Variants in ZFHX3 observed in about 807,000 individuals in gnomAD.
ZFHX3 encodes zinc finger homeobox 3.
Under a neutral mutation model 279.1 loss-of-function variants are expected in ZFHX3, and 42 were observed. The ratio of observed to expected loss-of-function variants is 0.15; its 90% CI spans 0.12 to 0.19. The LOEUF (loss-of-function observed/expected upper bound fraction) is 0.19. Ranked by LOEUF, ZFHX3 falls within the 10% of genes least tolerant of loss-of-function variation. The pLI is 1.00. For missense variants in ZFHX3, 4,981 were observed against 4,754.0 expected (o/e 1.05, Z -1.40); for synonymous variants, 2,293 against 1,957.8 (o/e 1.17, Z -4.52).
At chr16:73,719,985 G>A (rs2053458695) in intron 1 of ZFHX3, among the ~76,000 whole-genome samples, 1 of 152,166 alleles carries the variant, frequency 6.6e-6, no homozygotes, top group Non-Finnish European at 1.5e-5. Context: ...TTACCTACAA[G>A]CCATGTAATA....
At chr16:73,746,217 T>C (rs2053702053) in intron 1 of ZFHX3, among the ~76,000 whole-genome samples, 1 of 152,112 alleles carries the variant, frequency 6.6e-6, no homozygotes, top group African/African-American at 2.4e-5. Flanking sequence ...TTCAGTGGCC[T>C]GGAGTCACTC....
At chr16:72,955,106 C>G (rs191216754) in intron 2 of ZFHX3, among the ~76,000 whole-genome samples, 2 of 152,294 alleles carry the variant, frequency 1.3e-5, no homozygotes, top group African/African-American at 4.8e-5. Context: ...CTTCCTATGG[C>G]CCCCACACCC....
At chr16:73,590,551 A>G (rs1035022180) in intron 2 of ZFHX3, among the ~76,000 whole-genome samples, 11 of 152,248 alleles carry the variant, frequency 7.2e-5, no homozygotes, top group African/African-American at 2.7e-4. Flanking sequence ...TTTAAATCCA[A>G]GAGTTCACAG....
rs180873302 is a variant in ZFHX3 at position 73,465,441 on chromosome 16, C to T, written c.-1546-9183G>A. Among the ~76,000 whole-genome samples the T allele has an allele frequency of 6.6e-3, 1,008 of 152,274 alleles. 10 individuals carry two copies. Among genetic ancestry groups the T allele is most frequent in the Non-Finnish European group, 7.9e-3 (537 of 68,018 alleles). Reference sequence around the variant, plus strand: ...ACCCTCATCTCACATCCCGCCACCTCGAAAGCTGCCTCGCCCGTCTCCTCC... The same window carrying T: ...ACCCTCATCTCACATCCCGCCACCTTGAAAGCTGCCTCGCCCGTCTCCTCC... On this transcript the variant is annotated intron_variant, in intron 2 of 17. Coordinates refer to the ZFHX3 transcript ENST00000641206.
chr16:73,286,355 TATAGATTGGGCGGCCCCAAATTAGGGAA>T (rs2014595900), intron 4 of ZFHX3, among the ~76,000 whole-genome samples: 1 of 152,240 alleles, frequency 6.6e-6, no homozygotes, highest in Admixed American at 6.5e-5. Context: ...TTCAGAACCC[TATAGATTGGGCGGCCCCAAATTAGGGAA>T]ATGGCTCTGT....
chr16:73,547,894 G>T (rs888940381), intron 2 of ZFHX3, among the ~76,000 whole-genome samples: 1 of 152,162 alleles, frequency 6.6e-6, no homozygotes, highest in Non-Finnish European at 1.5e-5. Context: ...GAACACAGAC[G>T]CAATGCTCAA....
At chr16:73,613,359 A>T (rs986317814) in intron 2 of ZFHX3, among the ~76,000 whole-genome samples, 11 of 152,204 alleles carry the variant, frequency 7.2e-5, no homozygotes, top group Non-Finnish European at 1.2e-4. Flanking sequence ...ACATCTGGAT[A>T]AAGTAACAAA....
chr16:73,406,969 A>G (rs2017371857), intron 3 of ZFHX3, among the ~76,000 whole-genome samples: 1 of 152,200 alleles, frequency 6.6e-6, no homozygotes, highest in African/African-American at 2.4e-5. Context: ...GTAACAATTA[A>G]TTGAATCAAG....
intron 1 of ZFHX3, among the ~76,000 whole-genome samples, chr16:72,961,109 C>G (rs911127489): frequency 6.6e-6 from 1 of 152,218 alleles, no homozygotes; most frequent in Non-Finnish European, 1.5e-5. Context: ...TCTGCCAACA[C>G]CCCCTCCAGC....
At chr16:73,168,223 C>CTTTCTT (rs1967429869) in intron 5 of ZFHX3, among the ~76,000 whole-genome samples, 1 of 129,732 alleles carries the variant, frequency 7.7e-6, no homozygotes, top group East Asian at 2.3e-4. Flanking sequence ...TTCTTTCTTT[C>CTTTCTT]TTTCTTTCTT....
chr16:72,920,905 C>G (rs1190113159), intron 3 of ZFHX3, among the ~76,000 whole-genome samples: 1 of 151,642 alleles, frequency 6.6e-6, no homozygotes, highest in East Asian at 1.9e-4. Context: ...CCCCCCATAT[C>G]TACAAAAAAT....
rs1471250648 is a variant in ZFHX3, at chr16:73,852,258, CCAACA to C, written c.-1608+39388_-1608+39392del. ...AAAGCCACTTAATGAAACCAAGTCA[CCAACA>C]CAACACGTCTTCATCAGTCCTCATT... On this transcript the variant is annotated intron_variant, in intron 1 of 17. Coordinates refer to the ZFHX3 transcript ENST00000641206. Among the ~76,000 whole-genome samples, 14 of 152,270 alleles carry C rather than the reference CCAACA, an allele frequency of 9.2e-5. No individual in the cohort carries two copies. The East Asian group carries it at 2.1e-3, about 23-fold the overall frequency.
In ZFHX3 at chr16:72,958,813, C is replaced by G; in HGVS notation, c.1333G>C (p.Glu445Gln). The change falls in exon 2 of 10, where the codon GAA (glutamate) becomes CAA (glutamine). Residue 445 changes from glutamate (E) to glutamine (Q), a missense_variant. Physicochemically the swap from Glu to Gln is conservative, Grantham distance 29. Transcript: ENST00000268489. Reference protein sequence around the residue: ...DSGAAEGEKQEVGDGDCFSEK... With the variant: ...DSGAAEGEKQQVGDGDCFSEK... The stretch of plus-strand genomic sequence containing the variant: ...GAGAAGCAATCCCCGTCGCCCACTT[C>G]CTGCTTCTCTCCTTCTGCCGCCCCA... The G allele has an allele frequency of 6.2e-7, 1 of 1,614,198 alleles. No homozygotes were observed. Among genetic ancestry groups the G allele is most frequent in the African/African-American group, 1.3e-5 (1 of 75,056 alleles).
At chr16:72,844,340 T>G (rs2037423220) in intron 4 of ZFHX3, among the ~76,000 whole-genome samples, 1 of 152,136 alleles carries the variant, frequency 6.6e-6, no homozygotes. Flanking sequence ...TGACTGCAAT[T>G]TCAGTCCTGG....
At chr16:73,564,302 G>T (rs944722212) in intron 2 of ZFHX3, among the ~76,000 whole-genome samples, 1 of 152,152 alleles carries the variant, frequency 6.6e-6, no homozygotes, top group Non-Finnish European at 1.5e-5. Context: ...GTGCCTGCAG[G>T]CTTGCTGAGC....
intron 4 of ZFHX3, among the ~76,000 whole-genome samples, chr16:72,888,333 G>A (rs1308003943): frequency 3.9e-5 from 6 of 152,198 alleles, no homozygotes; most frequent in East Asian, 3.9e-4. Flanking sequence ...TGGCCAGGCC[G>A]TTAGACAAGC....
At chr16:73,188,588 C>G (rs1027114819) in intron 5 of ZFHX3, among the ~76,000 whole-genome samples, 3 of 152,174 alleles carry the variant, frequency 2.0e-5, no homozygotes, top group African/African-American at 7.2e-5. Context: ...CCTGACTAAA[C>G]TATTGTGAAG....
intron 1 of ZFHX3, among the ~76,000 whole-genome samples, chr16:73,691,494 C>T (rs1034430810): frequency 6.6e-6 from 1 of 152,172 alleles, no homozygotes; most frequent in African/African-American, 2.4e-5. Flanking sequence ...TAAATCCTGG[C>T]TCTACCATGT....
At chr16:73,818,456 C>T (rs534189215) in intron 1 of ZFHX3, among the ~76,000 whole-genome samples, 96 of 152,256 alleles carry the variant, frequency 6.3e-4, no homozygotes, top group Non-Finnish European at 9.4e-4. Context: ...TATGAGAGGT[C>T]CTGTCATCAA....
Sources: gnomAD v4.1 joint callset for allele counts (sites outside exome capture counted in the v4.1 genomes callset) on GRCh38, gnomAD v4.1.1 for gene constraint, MANE v1.5 for transcripts, NCBI Gene and HGNC (gene_info 2026-07-23, HGNC 2026-07-21) for gene names.